Variants in ELMOD2 observed in about 807,000 individuals in gnomAD.
ELMOD2 encodes the protein ELMO domain-containing protein 2.
ELMOD2 carries 28 observed loss-of-function variants against 41.0 expected under a neutral mutation model. The observed-to-expected ratio is 0.68, with a 90% CI of 0.51 to 0.94. The LOEUF is 0.94. Ranked by LOEUF, ELMOD2 falls within the 40% of genes least tolerant of loss-of-function variation. The pLI, the probability that ELMOD2 is intolerant of heterozygous loss-of-function variation, is 0.00. For missense variants in ELMOD2, 333 were observed against 343.1 expected, an observed-to-expected ratio of 0.97 and a Z score of 0.23; for synonymous variants, 106 against 107.2, an observed-to-expected ratio of 0.99 and a Z score of 0.07.
intron 4 of ELMOD2, 129 bp from the exon 5 acceptor site, chr4:140,537,283 C>G: frequency 1.3e-6 from 1 of 749,344 alleles, no homozygotes; most frequent in South Asian, 2.7e-5. Context: ...TTAAGGTGGC[C>G]TTTGGTGGGT....
intron 3 of ELMOD2, 63 bp from the exon 4 acceptor site, chr4:140,535,670 C>T (rs911665555): frequency 7.0e-7 from 1 of 1,438,166 alleles, no homozygotes; most frequent in Non-Finnish European, 9.6e-7. Context: ...TTAAATGTCT[C>T]ACAACTATGT....
At chr4:140,547,354 A>G (rs888178614) in intron 8 of ELMOD2, among the ~76,000 whole-genome samples, 3 of 152,052 alleles carry the variant, frequency 2.0e-5, no homozygotes, top group Non-Finnish European at 2.9e-5. Context: ...CTCCATTGTC[A>G]TCTTGTACGT....
intron 1 of ELMOD2, chr4:140,524,543 C>T: frequency 1.0e-6 from 1 of 960,464 alleles, no homozygotes; most frequent in Non-Finnish European, 1.2e-6. Flanking sequence ...CTAATGAGCG[C>T]GGACTAGATG....
intron 3 of ELMOD2, among the ~76,000 whole-genome samples, chr4:140,534,954 G>A (rs562222098): frequency 4.3e-4 from 65 of 152,202 alleles, no homozygotes; most frequent in Non-Finnish European, 7.9e-4. Context: ...ACTACCCATG[G>A]CGAAGGTAGT....
At chr4:140,534,115 A>G (rs1158491931) in intron 3 of ELMOD2, among the ~76,000 whole-genome samples, 2 of 152,178 alleles carry the variant, frequency 1.3e-5, no homozygotes, top group Non-Finnish European at 1.5e-5. Flanking sequence ...AAAGTATAAT[A>G]AAGTATGGTC....
At chr4:140,540,142 T>A (rs761088488) in intron 5 of ELMOD2, 26 bp from the exon 6 acceptor site, 1 of 1,606,926 alleles carries the variant, frequency 6.2e-7, no homozygotes, top group South Asian at 1.1e-5. Flanking sequence ...AGAAAATGTC[T>A]TAATAATGGA....
rs1735456129 is a variant in ELMOD2, at chr4:140,551,038, CA to C, written c.*664del. On this transcript the variant is annotated 3_prime_UTR_variant, in exon 9 of 9. Transcript: ENST00000323570. ...TTAAATAACACACTTTAAAATGCCA[CA>C]GTGTTATTTGAAAGCTTAAAGGCAT... 6.6e-6 allele frequency: 1 copy of C among 152,042 alleles called. No homozygotes were observed. The highest frequency in any genetic ancestry group is 1.5e-5 in the Non-Finnish European group (1 of 67,942). The allele number at this position is 152,042 out of a possible 1,614,324, so 9.4% of individuals were successfully genotyped here. A position where few individuals can be genotyped will look rare whatever the true frequency, so the allele number is the denominator to read the frequency against.
chr4:140,535,955 A>G (rs760246937), intron 4 of ELMOD2, 125 bp downstream of exon 4: 4 of 811,092 alleles, frequency 4.9e-6, no homozygotes, highest in Non-Finnish European at 7.5e-6. Flanking sequence ...CAGCGCTCTC[A>G]CTTCACAAGA....
At chr4:140,528,629 G>T (rs1734643839) in intron 3 of ELMOD2, among the ~76,000 whole-genome samples, 1 of 152,158 alleles carries the variant, frequency 6.6e-6, no homozygotes, top group Admixed American at 6.5e-5. Context: ...ATGTTGATTT[G>T]CTACTGTCTA....
chr4:140,550,004 T>G (rs868576782), intron 8 of ELMOD2, among the ~76,000 whole-genome samples: 1 of 152,156 alleles, frequency 6.6e-6, no homozygotes, highest in Non-Finnish European at 1.5e-5. Context: ...CTATATCTTT[T>G]AAACTTGAGG....
In ELMOD2 at chr4:140,525,396, G is replaced by A. The variant is rs575911066; in HGVS notation, c.-9-24G>A. The A allele has an allele frequency of 4.4e-6, 7 of 1,607,522 alleles. No homozygotes were observed. In the African/African-American group the frequency reaches 9.4e-5, roughly 22 times the overall value. On this transcript the variant is annotated intron_variant, in intron 1 of 8. Transcript: ENST00000323570. The stretch of plus-strand genomic sequence containing the variant: ...AATTCAGTTTAAGGTCATTAAGCTT[G>A]TCTTGTATGTTTCCCTCCTCCAGGA...
chr4:140,527,620 T>C (rs544076321), intron 3 of ELMOD2, 126 bp downstream of exon 3: 103 of 718,848 alleles, frequency 1.4e-4, no homozygotes, highest in Non-Finnish European at 2.2e-4. Flanking sequence ...TTTCCCCGTT[T>C]AGAGGTAATA....
chr4:140,537,441 T>C lies in ELMOD2; in HGVS notation c.299T>C (p.Leu100Pro), dbSNP rs1455366974. The change falls in exon 5 of 9, where the codon CTG (leucine) becomes CCG (proline). Residue 100 changes from leucine (L) to proline (P), a missense_variant. Coordinates refer to ENST00000323570, the MANE Select transcript of ELMOD2 (RefSeq NM_153702.4). ...AAAATATGCATGAAGATGTGCTTAC[T>C]GCAGATAACTGGTTATAAACAGCTG... is the stretch of plus-strand genomic sequence containing the variant. ...SFKICMKMCL[L>P]QITGYKQLYL... is the part of the protein sequence containing the mutation. 2.6e-6 allele frequency: 4 copies of C among 1,554,926 alleles called. No homozygotes were observed. Among genetic ancestry groups the C allele is most frequent in the Non-Finnish European group, 3.5e-6 (4 of 1,157,642 alleles).
At chr4:140,539,895 A>G (rs1735052677) in intron 5 of ELMOD2, among the ~76,000 whole-genome samples, 1 of 152,188 alleles carries the variant, frequency 6.6e-6, no homozygotes, top group African/African-American at 2.4e-5. Context: ...CAAGCAGTTT[A>G]CCAGTTCTGG....
In ELMOD2 at chr4:140,550,987, A is replaced by G. The variant is rs1735455157; in HGVS notation, c.*612A>G. The G allele has an allele frequency of 6.6e-6, 1 of 152,156 alleles. No individual in the cohort carries two copies. The highest frequency in any genetic ancestry group is 1.5e-5 in the Non-Finnish European group (1 of 67,988). 9.4% of individuals were successfully genotyped at this position (152,156 alleles called of 1,614,324 possible). A position where few individuals can be genotyped will look rare whatever the true frequency, so the allele number is the denominator to read the frequency against. On this transcript the variant is annotated 3_prime_UTR_variant, in exon 9 of 9. Coordinates refer to ENST00000323570, the MANE Select transcript of ELMOD2 (RefSeq NM_153702.4). The stretch of plus-strand genomic sequence containing the variant: ...TGAGCATAACTGATGAGAGAATGAC[A>G]GTATTGGTGACTAGCTTTTTTGTTT...
In ELMOD2 at chr4:140,524,278, G is replaced by A. The variant is rs1052828055; in HGVS notation, c.-12G>A. On this transcript the variant is annotated splice_region_variant and 5_prime_UTR_variant, in exon 1 of 9. Transcript: ENST00000323570. ...CTCCCCCTAGTTCTTCCGCTCCTGTGAGGTGGCTGCTGTTTCTTTTCCTCT... is the reference window on the plus strand; with the variant it reads ...CTCCCCCTAGTTCTTCCGCTCCTGTAAGGTGGCTGCTGTTTCTTTTCCTCT... 2.0e-4 allele frequency: 30 copies of A among 152,520 alleles called. No homozygotes were observed. Among genetic ancestry groups the A allele is most frequent in the Non-Finnish European group, 4.3e-4 (29 of 68,210 alleles). 9.4% of individuals were successfully genotyped at this position (152,520 alleles called of 1,614,324 possible).
chr4:140,535,556 C>A, intron 3 of ELMOD2, 177 bp from the exon 4 acceptor site: 2 of 520,080 alleles, frequency 3.8e-6, no homozygotes, highest in Non-Finnish European at 6.7e-6. Flanking sequence ...TATTATAAAA[C>A]TATATATATA....
Position 140,535,799 on chromosome 4 carries a change from G to T in ELMOD2, c.238G>T (p.Glu80Ter). The change falls in exon 4 of 9, where the codon GAA (glutamate) becomes TAA (stop). Residue 80 changes from glutamate (E) to a stop codon, truncating the protein, a stop_gained. Coordinates refer to ENST00000323570, the MANE Select transcript of ELMOD2 (RefSeq NM_153702.4). LOFTEE classifies it high-confidence loss of function. ...CAAATATGTAGATGATATTATGAAGGAAAAGAATATTAACCCTGAGAAGGA... is the reference window on the plus strand; with the variant it reads ...CAAATATGTAGATGATATTATGAAGTAAAAGAATATTAACCCTGAGAAGGA... ...VDKYVDDIMKEKNINPEKDAS... is the reference protein window; with the variant it reads ...VDKYVDDIMK The T allele has an allele frequency of 6.2e-7, 1 of 1,609,582 alleles. No homozygotes were observed. The highest frequency in any genetic ancestry group is 8.5e-7 in the Non-Finnish European group (1 of 1,178,846).
At chr4:140,525,856 T>C (rs1286779744) in intron 2 of ELMOD2, among the ~76,000 whole-genome samples, 3 of 152,246 alleles carry the variant, frequency 2.0e-5, no homozygotes, top group Non-Finnish European at 4.4e-5. Context: ...AAAATTTCTA[T>C]ACTTACATAA....
Sources: gnomAD v4.1 joint callset for allele counts (sites outside exome capture counted in the v4.1 genomes callset) on GRCh38, gnomAD v4.1.1 for gene constraint, MANE v1.5 for transcripts, NCBI Gene and HGNC (gene_info 2026-07-23, HGNC 2026-07-21) for gene names.